ARHGAP19: variants seen among roughly 807,000 people sequenced by gnomAD.
ARHGAP19 encodes the protein Rho GTPase activating protein 19.
Under a neutral mutation model 60.9 loss-of-function variants are expected in ARHGAP19, and 48 were observed. The ratio of observed to expected loss-of-function variants is 0.79; its 90% CI spans 0.62 to 1.00. The LOEUF is 1.00. Ranked by LOEUF, ARHGAP19 falls within the 50% of genes least tolerant of loss-of-function variation. ARHGAP19 has a pLI of 0.00. For synonymous variants in ARHGAP19, 209 were observed against 215.5 expected (o/e 0.97, Z 0.27); for missense variants, 562 against 597.2 (o/e 0.94, Z 0.61).
At position 97,224,765 on chromosome 10, in the gene ARHGAP19, T is replaced by TG. The variant is rs1554859892; in HGVS notation, c.*1356_*1357insC. On this transcript the variant is annotated 3_prime_UTR_variant, in exon 12 of 12. Transcript: ENST00000358531. ...CAGAGCCAGGCACAAACCTGAGCAT[T>TG]CCCCCCTGCTACATGCTGCTCTCTG... 3 of 152,276 alleles carry TG rather than the reference T, an allele frequency of 2.0e-5. No homozygotes were observed. The highest frequency in any genetic ancestry group is 7.2e-5 in the African/African-American group (3 of 41,430). 9.4% of individuals were successfully genotyped at this position (152,276 alleles called of 1,614,324 possible).
At chr10:97,258,401 G>A (rs111776681) in intron 5 of ARHGAP19, among the ~76,000 whole-genome samples, 135 of 152,160 alleles carry the variant, frequency 8.9e-4, no homozygotes, top group African/African-American at 3.1e-3. Flanking sequence ...AGGAATAGTG[G>A]CTCACGCCTG....
At chr10:97,270,128 A>G (rs1391678041) in intron 1 of ARHGAP19, among the ~76,000 whole-genome samples, 1 of 148,908 alleles carries the variant, frequency 6.7e-6, no homozygotes, top group Non-Finnish European at 1.5e-5. Flanking sequence ...GGATCTCCTA[A>G]CACATAAGTA....
rs1850858914 is a variant in ARHGAP19 at position 97,224,420 on chromosome 10, G to C, written c.*1702C>G. ...TTACAAATGACATAAAACTGCTCTA[G>C]AGAAAGGGGCTTCTAAGCAGTTTTG... On this transcript the variant is annotated 3_prime_UTR_variant, in exon 12 of 12. Transcript: ENST00000358531. 6.6e-6 allele frequency: 1 copy of C among 152,180 alleles called. No individual in the cohort carries two copies. The highest frequency in any genetic ancestry group is 2.1e-4 in the South Asian group (1 of 4,822). 9.4% of individuals were successfully genotyped at this position (152,180 alleles called of 1,614,324 possible).
chr10:97,274,055 A>G (rs1842994072), intron 1 of ARHGAP19, among the ~76,000 whole-genome samples: 1 of 152,202 alleles, frequency 6.6e-6, no homozygotes, highest in Non-Finnish European at 1.5e-5. Context: ...CGAAACTAGT[A>G]TTTAGAGATA....
chr10:97,254,314 C>T (rs1340699927), intron 6 of ARHGAP19, among the ~76,000 whole-genome samples: 1 of 152,116 alleles, frequency 6.6e-6, no homozygotes, highest in Non-Finnish European at 1.5e-5. Context: ...CTAATCACAC[C>T]ACCATGGTAC....
intron 7 of ARHGAP19, among the ~76,000 whole-genome samples, chr10:97,244,992 G>T (rs1842542775): frequency 6.6e-6 from 1 of 151,544 alleles, no homozygotes. Context: ...GCACATAAAG[G>T]TCAAGTGCCT....
intron 1 of ARHGAP19, among the ~76,000 whole-genome samples, chr10:97,274,122 G>A (rs371474899): frequency 2.8e-4 from 43 of 152,208 alleles, no homozygotes; most frequent in Middle Eastern, 6.8e-3. Flanking sequence ...ATAATATTCA[G>A]GATAATGGTT....
chr10:97,249,472 T>C (rs148590678), intron 6 of ARHGAP19, among the ~76,000 whole-genome samples: 1 of 152,334 alleles, frequency 6.6e-6, no homozygotes, highest in Non-Finnish European at 1.5e-5. Context: ...ACTGTAGACC[T>C]GGCTTCTACT....
intron 1 of ARHGAP19, among the ~76,000 whole-genome samples, chr10:97,283,664 G>T (rs1376325184): frequency 6.6e-6 from 1 of 151,728 alleles, no homozygotes; most frequent in Non-Finnish European, 1.5e-5. Context: ...TCAGATCTTG[G>T]ATGGGTCATA....
At position 97,240,919 on chromosome 10, in the gene ARHGAP19, T is replaced by C. The variant is rs142655250; in HGVS notation, c.1185+3049A>G. ...TGGATGTGTGTAGGTGATTTTTATG[T>C]TCTTCTTTACACACTTCTGCGGGTT... On this transcript the variant is annotated intron_variant, in intron 8 of 11. Coordinates refer to ENST00000358531, the MANE Select transcript of ARHGAP19 (RefSeq NM_032900.6). 1.7e-3 allele frequency among the ~76,000 whole-genome samples: 264 copies of C among 152,362 alleles called. 3 individuals are homozygous for C. In the South Asian group the frequency reaches 0.018, roughly 10 times the overall value.
intron 8 of ARHGAP19, among the ~76,000 whole-genome samples, chr10:97,236,081 T>C (rs2134820672): frequency 6.6e-6 from 1 of 152,274 alleles, no homozygotes; most frequent in Admixed American, 6.5e-5. Flanking sequence ...GTTCAAGCAA[T>C]TCTCATGCCT....
In ARHGAP19 at chr10:97,263,470, G is replaced by C. The variant is rs1288010867; in HGVS notation, c.563C>G (p.Pro188Arg). 1 of 1,613,864 alleles carries C rather than the reference G, an allele frequency of 6.2e-7. No individual in the cohort carries two copies. The highest frequency in any genetic ancestry group is 1.1e-5 in the South Asian group (1 of 91,024). Residue 188 changes from proline (P) to arginine (R), a missense_variant, in exon 4 of 12, where the codon CCG (proline) becomes CGG (arginine). Coordinates refer to ENST00000358531, the MANE Select transcript of ARHGAP19 (RefSeq NM_032900.6). ...GTGTTTATGTGTCAGCAGAGGCTCC[G>C]GCAACTCTCCTAGAAACATCTTCAG... ...TLLKMFLGEL[P>R]EPLLTHKHFN...
At chr10:97,239,551 GGTGTGTGTGTGTGT>G (rs201308961) in intron 8 of ARHGAP19, among the ~76,000 whole-genome samples, 60 of 20,290 alleles carry the variant, frequency 3.0e-3, no homozygotes, top group South Asian at 9.5e-3. Context: ...AGAGAGAGAG[GGTGTGTGTGTGTGT>G]GTGTGTGTGT....
At chr10:97,230,247 T>C (rs1035848743) in intron 9 of ARHGAP19, among the ~76,000 whole-genome samples, 4 of 152,186 alleles carry the variant, frequency 2.6e-5, no homozygotes, top group Non-Finnish European at 4.4e-5. Context: ...AGATGTGCTG[T>C]CTCTGGCAAC....
intron 8 of ARHGAP19, among the ~76,000 whole-genome samples, chr10:97,241,606 A>G (rs1842482874): frequency 6.7e-6 from 1 of 149,988 alleles, no homozygotes; most frequent in Non-Finnish European, 1.5e-5. Flanking sequence ...CTAGCTATTC[A>G]GCAGGCTGAG....
rs1019015812 is a variant in ARHGAP19 at position 97,241,383 on chromosome 10, T to C, written c.1185+2585A>G. ...TCCAGCCTGGGCAACAGAGCGAGAC[T>C]CCATCTTTAAAAAAAAGAAAGATAG... is the stretch of plus-strand genomic sequence containing the variant. On this transcript the variant is annotated intron_variant, in intron 8 of 11. Coordinates refer to ENST00000358531, the MANE Select transcript of ARHGAP19 (RefSeq NM_032900.6). Among the ~76,000 whole-genome samples the C allele has an allele frequency of 2.0e-5, 3 of 150,244 alleles. No homozygotes were observed. The Admixed American group carries it at 2.0e-4, about 10-fold the overall frequency.
At position 97,279,673 on chromosome 10, in the gene ARHGAP19, T is replaced by C. The variant is rs141582504; in HGVS notation, c.56+12899A>G. ...ACACCTGGCTAATTTTTTTTTATTA[T>C]TTGTAGACACAAGTCTTTCTACGTT... On this transcript the variant is annotated intron_variant, in intron 1 of 11. Transcript: ENST00000358531. Among the ~76,000 whole-genome samples, 994 of 152,202 alleles carry C rather than the reference T, an allele frequency of 6.5e-3. 31 individuals are homozygous for C. The highest frequency in any genetic ancestry group is 0.056 in the East Asian group (288 of 5,176).
At chr10:97,251,928 AAAC>A (rs1360690050) in intron 6 of ARHGAP19, among the ~76,000 whole-genome samples, 2 of 151,014 alleles carry the variant, frequency 1.3e-5, no homozygotes, top group African/African-American at 4.9e-5. Context: ...ATTCATAGAG[AAAC>A]AACAAGAAAT....
In ARHGAP19 at chr10:97,262,236, C is replaced by T. The variant is rs563175813; in HGVS notation, c.613+1184G>A. ...AAATCAGTAACACTAACCAGTGTTA[C>T]TGGTGTTGGGGACTGGGTGAACTGG... On this transcript the variant is annotated intron_variant, in intron 4 of 11. Coordinates refer to ENST00000358531, the MANE Select transcript of ARHGAP19 (RefSeq NM_032900.6). Among the ~76,000 whole-genome samples, 168 of 149,258 alleles carry T rather than the reference C, an allele frequency of 1.1e-3. 1 individual carries two copies. The highest frequency in any genetic ancestry group is 4.1e-3 in the African/African-American group (166 of 40,416).
Sources: gnomAD v4.1 joint callset for allele counts (sites outside exome capture counted in the v4.1 genomes callset) on GRCh38, gnomAD v4.1.1 for gene constraint, MANE v1.5 for transcripts, NCBI Gene and HGNC (gene_info 2026-07-23, HGNC 2026-07-21) for gene names.